The following CYP2B6 variants were observed in gnomAD, a reference collection of about 807,000 sequenced individuals.
CYP2B6 encodes cytochrome P450 2B6.
CYP2B6 carries 35 observed loss-of-function variants against 43.4 expected under a neutral mutation model. That is an observed-to-expected ratio of 0.81 (90% CI 0.62 to 1.07). The LOEUF (loss-of-function observed/expected upper bound fraction) is 1.07, where lower values mean the gene tolerates loss of function less well. CYP2B6 is among the 50% of genes least tolerant of loss of function. CYP2B6 has a pLI of 0.00. For synonymous variants in CYP2B6, 239 were observed against 239.2 expected (o/e 1.00, Z 0.01); for missense variants, 624 against 632.8 (o/e 0.99, Z 0.15).
At chr19:41,012,878 A>G in intron 8 of CYP2B6, 63 bp downstream of exon 8, 11 of 1,563,670 alleles carry the variant, frequency 7.0e-6, no homozygotes, top group Non-Finnish European at 9.7e-6. Context: ...CCAACTTGAG[A>G]AAAACAACGA....
At chr19:41,004,514 A>G in intron 3 of CYP2B6, 68 bp downstream of exon 3, 2 of 1,556,428 alleles carry the variant, frequency 1.3e-6, no homozygotes, top group South Asian at 1.2e-5. Flanking sequence ...GCACGGGAAT[A>G]GAAAGACAGA....
At chr19:40,994,382 G>A (rs1204343981) in intron 1 of CYP2B6, among the ~76,000 whole-genome samples, 1 of 152,096 alleles carries the variant, frequency 6.6e-6, no homozygotes, top group Non-Finnish European at 1.5e-5. Context: ...AGTTAGATTT[G>A]TTTACCCATA....
At position 41,010,088 on chromosome 19, in the gene CYP2B6, C is replaced by G. The variant is rs34698757; in HGVS notation, c.917C>G (p.Thr306Ser). Residue 306 changes from threonine to serine, a missense_variant, in exon 6 of 9, where the codon ACT becomes AGT. By Grantham distance (58) the Thr-to-Ser change is moderately conservative. Transcript: ENST00000324071. Reference protein sequence around the residue: ...FFAGTETTSTTLRYGFLLMLK... With the variant: ...FFAGTETTSTSLRYGFLLMLK... Reference sequence around the variant, plus strand: ...GCTGGCACTGAGACCACCAGCACCACTCTCCGCTACGGCTTCCTGCTCATG... The same window carrying G: ...GCTGGCACTGAGACCACCAGCACCAGTCTCCGCTACGGCTTCCTGCTCATG... 1.0e-4 allele frequency: 169 copies of G among 1,614,100 alleles called. No homozygotes were observed. The African/African-American group carries it at 2.0e-3, about 19-fold the overall frequency.
intron 1 of CYP2B6, among the ~76,000 whole-genome samples, chr19:41,003,391 G>A: frequency 6.6e-6 from 1 of 152,096 alleles, no homozygotes; most frequent in Non-Finnish European, 1.5e-5. Flanking sequence ...AGAGTGGATG[G>A]TGAGAGATAT....
intron 6 of CYP2B6, 46 bp from the exon 7 acceptor site, chr19:41,012,252 A>C (rs1295579267): frequency 1.3e-6 from 2 of 1,598,016 alleles, no homozygotes; most frequent in Non-Finnish European, 1.7e-6. Flanking sequence ...GCCTGGCCTG[A>C]AATGCCTCTT....
In CYP2B6 at chr19:41,009,270, C is replaced by G; in HGVS notation, c.697C>G (p.Gln233Glu). ...FLKYFPGAHR[Q>E]VYKNLQEINA... ...GAAATACTTTCCTGGGGCACACAGGCAAGTTTACAAAAACCTGCAGGAAAT... is the reference window on the plus strand; with the variant it reads ...GAAATACTTTCCTGGGGCACACAGGGAAGTTTACAAAAACCTGCAGGAAAT... The change falls in exon 5 of 9, where the codon CAA becomes GAA. Residue 233 changes from glutamine (Q) to glutamate (E), a missense_variant. Physicochemically the swap from Gln to Glu is conservative, Grantham distance 29. Coordinates refer to ENST00000324071, the MANE Select transcript of CYP2B6 (RefSeq NM_000767.5). The G allele has an allele frequency of 6.2e-7, 1 of 1,612,956 alleles. No homozygotes were observed. Among genetic ancestry groups the G allele is most frequent in the Non-Finnish European group, 8.5e-7 (1 of 1,179,456 alleles).
At position 41,010,076 on chromosome 19, in the gene CYP2B6, C is replaced by A. The variant is rs1261998210; in HGVS notation, c.905C>A (p.Thr302Asn). ...TCGCTCTTCTTTGCTGGCACTGAGA[C>A]CACCAGCACCACTCTCCGCTACGGC... ...TLSLFFAGTE[T>N]TSTTLRYGFL... The change falls in exon 6 of 9, where the codon ACC becomes AAC. Residue 302 changes from threonine to asparagine, a missense_variant. Physicochemically the swap from Thr to Asn is moderately conservative, Grantham distance 65 (BLOSUM62 0). Transcript: ENST00000324071. 11 of 1,614,002 alleles carry A rather than the reference C, an allele frequency of 6.8e-6. No homozygotes were observed. The highest frequency in any genetic ancestry group is 8.5e-7 in the Non-Finnish European group (1 of 1,180,006).
intron 5 of CYP2B6, 32 bp from the exon 6 acceptor site, chr19:41,009,962 A>T: frequency 6.2e-7 from 1 of 1,613,526 alleles, no homozygotes; most frequent in Non-Finnish European, 8.5e-7. Flanking sequence ...GCCTCCCCTG[A>T]CCCTCCCCTT....
chr19:41,004,329 G>C lies in CYP2B6; in HGVS notation c.367G>C (p.Val123Leu). Residue 123 changes from valine (V) to leucine (L), a missense_variant, in exon 3 of 9, where the codon GTG becomes CTG. Transcript: ENST00000324071. ...VIFANGNRWKVLRRFSVTTMR... is the reference protein window; with the variant it reads ...VIFANGNRWKLLRRFSVTTMR... Reference sequence around the variant, plus strand: ...CTTTGCCAATGGAAACCGCTGGAAGGTGCTTCGGCGATTCTCTGTGACCAC... The same window carrying C: ...CTTTGCCAATGGAAACCGCTGGAAGCTGCTTCGGCGATTCTCTGTGACCAC... 1.2e-6 allele frequency: 2 copies of C among 1,613,984 alleles called. No homozygotes were observed. The highest frequency in any genetic ancestry group is 1.1e-5 in the South Asian group (1 of 91,070).
intron 1 of CYP2B6, among the ~76,000 whole-genome samples, chr19:40,993,083 A>G (rs551415430): frequency 3.5e-4 from 54 of 152,288 alleles, no homozygotes; most frequent in South Asian, 2.3e-3. Context: ...TTAGAGTCCA[A>G]TTGGTCATAG....
chr19:41,004,415 G>T lies in CYP2B6; in HGVS notation c.453G>T (p.Gln151His). The T allele has an allele frequency of 6.2e-7, 1 of 1,613,998 alleles. No homozygotes were observed. The highest frequency in any genetic ancestry group is 8.5e-7 in the Non-Finnish European group (1 of 1,180,008). Residue 151 changes from glutamine (Q) to histidine (H), a missense_variant, in exon 3 of 9, where the codon CAG becomes CAT. By Grantham distance (24) the Gln-to-His change is conservative. Transcript: ENST00000324071. ...AGGAGCGGATTCAGGAGGAGGCTCA[G>T]TGTCTGATAGAGGAGCTTCGGAAAT... is the stretch of plus-strand genomic sequence containing the variant. ...SVEERIQEEA[Q>H]CLIEELRKSK...
intron 1 of CYP2B6, 92 bp downstream of exon 1, chr19:40,991,568 G>A (rs1599839324): frequency 1.4e-6 from 2 of 1,434,546 alleles, no homozygotes; most frequent in East Asian, 4.5e-5. Context: ...CAGACTTCCA[G>A]AGTCAGGGGT....
chr19:41,009,908 C>G, intron 5 of CYP2B6, 86 bp from the exon 6 acceptor site: 1 of 1,565,620 alleles, frequency 6.4e-7, no homozygotes, highest in Non-Finnish European at 8.8e-7. Context: ...TTTAGGCCAA[C>G]GGAGGGCAGC....
chr19:40,997,094 G>T (rs1969009000), intron 1 of CYP2B6, among the ~76,000 whole-genome samples: 1 of 151,934 alleles, frequency 6.6e-6, no homozygotes, highest in African/African-American at 2.4e-5. Context: ...GGTAAAAGAG[G>T]TGGTGGCACG....
intron 1 of CYP2B6, among the ~76,000 whole-genome samples, chr19:41,001,107 G>A (rs1455874806): frequency 1.3e-5 from 2 of 152,028 alleles, no homozygotes; most frequent in African/African-American, 2.4e-5. Context: ...CCTGGGGAAA[G>A]CATTTGTCCA....
intron 8 of CYP2B6, among the ~76,000 whole-genome samples, chr19:41,014,752 A>ACAGC (rs1234436583): frequency 9.2e-4 from 140 of 151,776 alleles, no homozygotes; most frequent in African/African-American, 3.2e-3. Context: ...AGAAAGACAG[A>ACAGC]GGGCAAACCT....
intron 1 of CYP2B6, among the ~76,000 whole-genome samples, chr19:40,996,563 G>A (rs981334669): frequency 1.3e-5 from 2 of 152,052 alleles, no homozygotes; most frequent in African/African-American, 2.4e-5. Flanking sequence ...GGTTTTTGTT[G>A]TCTTACTAGA....
At chr19:41,012,941 A>T in intron 8 of CYP2B6, 126 bp downstream of exon 8, 1 of 1,080,698 alleles carries the variant, frequency 9.3e-7, no homozygotes, top group Non-Finnish European at 1.4e-6. Flanking sequence ...CACCTGCCTT[A>T]TCCCATTCCA....
chr19:41,005,678 G>A (rs149804347), intron 3 of CYP2B6, among the ~76,000 whole-genome samples: 193 of 152,056 alleles, frequency 1.3e-3, no homozygotes, highest in African/African-American at 4.5e-3. Context: ...CTACTCAGGA[G>A]GCTGAGACAG....
Sources: gnomAD v4.1 joint callset for allele counts (sites outside exome capture counted in the v4.1 genomes callset) on GRCh38, gnomAD v4.1.1 for gene constraint, MANE v1.5 for transcripts, NCBI Gene and HGNC (gene_info 2026-07-23, HGNC 2026-07-21) for gene names.